The following SEMA3D variants were observed in gnomAD, a reference collection of about 807,000 sequenced individuals.
SEMA3D encodes semaphorin 3D, also known as semaphorin-3D.
A neutral mutation model predicts 100.1 loss-of-function variants in SEMA3D; 84 were observed. The ratio of observed to expected loss-of-function variants is 0.84; its 90% CI spans 0.70 to 1.01. The LOEUF (loss-of-function observed/expected upper bound fraction) is 1.01. Ranked by LOEUF, SEMA3D falls within the 50% of genes least tolerant of loss-of-function variation. The pLI is 0.00. For synonymous variants in SEMA3D, 312 were observed against 320.7 expected, an observed-to-expected ratio of 0.97 and a Z score of 0.29; for missense variants, 875 against 934.1, an observed-to-expected ratio of 0.94 and a Z score of 0.82.
the SEMA3D span, among the ~76,000 whole-genome samples, chr7:85,216,355 T>TG: frequency 5.3e-5 from 6 of 113,384 alleles, no homozygotes; most frequent in African/African-American, 1.9e-4. Context: ...CAAATAAGAG[T>TG]GTTGTGTGTG....
rs1790155280 is a variant in SEMA3D at position 85,018,143 on chromosome 7, A to G, written c.1545+109T>C. On this transcript the variant is annotated intron_variant, in intron 15 of 18. Coordinates refer to ENST00000284136, the MANE Select transcript of SEMA3D (RefSeq NM_001384900.1). The stretch of plus-strand genomic sequence containing the variant: ...ACAAGAGAAACAAATAATGTTTTAA[A>G]TTTCTTAAAATTTAACTCCCAATTT... 4.1e-6 allele frequency: 3 copies of G among 735,046 alleles called. No homozygotes were observed. In the Admixed American group the frequency reaches 6.9e-5, roughly 17 times the overall value. 45.5% of individuals were successfully genotyped at this position (735,046 alleles called of 1,614,324 possible).
chr7:85,102,670 G>A (rs192461735), intron 3 of SEMA3D, among the ~76,000 whole-genome samples: 46 of 152,160 alleles, frequency 3.0e-4, no homozygotes, highest in Admixed American at 2.7e-3. Context: ...CCAAGTGGAT[G>A]AGAATGGGGA....
At chr7:85,183,584 C>T (rs777819463) in intron 1 of SEMA3D, among the ~76,000 whole-genome samples, 5 of 152,156 alleles carry the variant, frequency 3.3e-5, no homozygotes, top group Non-Finnish European at 4.4e-5. Flanking sequence ...AGAGAGATTA[C>T]AAATTCAGTT....
chr7:85,119,511 G>A (rs1207151366), intron 3 of SEMA3D, among the ~76,000 whole-genome samples: 3 of 152,048 alleles, frequency 2.0e-5, no homozygotes, highest in African/African-American at 7.2e-5. Flanking sequence ...TACTAATGGA[G>A]GGGAAAAAAT....
chr7:85,031,424 G>A (rs961696661), intron 12 of SEMA3D, among the ~76,000 whole-genome samples: 4 of 152,022 alleles, frequency 2.6e-5, no homozygotes, highest in African/African-American at 7.2e-5. Flanking sequence ...AGTAAGATGT[G>A]TTCCTCTGAA....
At chr7:85,006,983 T>C (rs752927372) in intron 17 of SEMA3D, 42 bp from the exon 18 acceptor site, 6 of 1,544,704 alleles carry the variant, frequency 3.9e-6, no homozygotes, top group Non-Finnish European at 3.5e-6. Context: ...CTTGACCTGA[T>C]TTTAAAAGCA....
chr7:85,017,545 C>A (rs1481046172), intron 15 of SEMA3D, among the ~76,000 whole-genome samples: 2 of 151,712 alleles, frequency 1.3e-5, no homozygotes, highest in East Asian at 3.9e-4. Flanking sequence ...TCAATTTTAG[C>A]AACACCTTGA....
At chr7:85,135,263 A>C (rs750329446) in intron 2 of SEMA3D, among the ~76,000 whole-genome samples, 4 of 152,128 alleles carry the variant, frequency 2.6e-5, no homozygotes, top group Non-Finnish European at 4.4e-5. Context: ...TATTATGACA[A>C]TTATTTCTTT....
Position 84,999,351 on chromosome 7 carries a change from A to C in SEMA3D, c.*89T>G. On this transcript the variant is annotated 3_prime_UTR_variant, in exon 19 of 19. Coordinates refer to ENST00000284136, the MANE Select transcript of SEMA3D (RefSeq NM_001384900.1). ...TGTGCCTTAGCAAAACTCCATGGGA[A>C]GCATTTATGAATTACTATAAGGGAT... The C allele has an allele frequency of 1.0e-6, 1 of 1,001,730 alleles. No homozygotes were observed. The highest frequency in any genetic ancestry group is 1.5e-6 in the Non-Finnish European group (1 of 676,884). The allele number at this position is 1,001,730 out of a possible 1,614,324, so 62.1% of individuals were successfully genotyped here.
chr7:85,212,395 G>A, the SEMA3D span, among the ~76,000 whole-genome samples: 2 of 152,234 alleles, frequency 1.3e-5, no homozygotes, highest in Admixed American at 1.3e-4. Context: ...CCCATCAATG[G>A]AAAACCCTTC....
At chr7:85,201,686 G>A in the SEMA3D span, among the ~76,000 whole-genome samples, 1 of 152,076 alleles carries the variant, frequency 6.6e-6, no homozygotes, top group East Asian at 1.9e-4. Context: ...CCAGAACTGA[G>A]TAGGATTTCC....
rs118044071 is a variant in SEMA3D, at chr7:85,041,763, G to C, written c.976+408C>G. On this transcript the variant is annotated intron_variant, in intron 10 of 18. Coordinates refer to ENST00000284136, the MANE Select transcript of SEMA3D (RefSeq NM_001384900.1). ...TTATTCTTTCATTAACAAGTCGGAG[G>C]GACAGTGTTCACCAAATCTCCTGTA... is the stretch of plus-strand genomic sequence containing the variant. 6.3e-3 allele frequency: 1,025 copies of C among 163,084 alleles called. 6 individuals carry two copies. The highest frequency in any genetic ancestry group is 9.0e-3 in the Non-Finnish European group (679 of 75,660). The allele number at this position is 163,084 out of a possible 1,614,324, so 10.1% of individuals were successfully genotyped here.
intron 9 of SEMA3D, among the ~76,000 whole-genome samples, chr7:85,043,598 C>T (rs1435948117): frequency 6.6e-6 from 1 of 151,948 alleles, no homozygotes; most frequent in Non-Finnish European, 1.5e-5. Context: ...GCTCTGTGTC[C>T]CGACCCAAAT....
intron 4 of SEMA3D, among the ~76,000 whole-genome samples, chr7:85,084,977 T>C (rs1231531692): frequency 6.6e-6 from 1 of 151,942 alleles, no homozygotes; most frequent in African/African-American, 2.4e-5. Flanking sequence ...GGTCTGTTTC[T>C]TTTTTTTATG....
At chr7:85,028,227 C>G in intron 12 of SEMA3D, 1 of 686,498 alleles carries the variant, frequency 1.5e-6, no homozygotes, top group Non-Finnish European at 2.6e-6. Context: ...CAAAAGTCTA[C>G]CTTGGGAAGA....
the SEMA3D span, among the ~76,000 whole-genome samples, chr7:85,221,622 T>A: frequency 6.6e-6 from 1 of 152,112 alleles, no homozygotes; most frequent in South Asian, 2.1e-4. Flanking sequence ...TAGATTATAT[T>A]ATAGTCACTC....
chr7:85,104,213 A>C (rs1788835861), intron 3 of SEMA3D, among the ~76,000 whole-genome samples: 1 of 152,064 alleles, frequency 6.6e-6, no homozygotes, highest in African/African-American at 2.4e-5. Flanking sequence ...CATTGATTAC[A>C]AGTTTGACAC....
intron 1 of SEMA3D, among the ~76,000 whole-genome samples, chr7:85,155,589 T>A (rs1010838798): frequency 6.6e-6 from 1 of 152,192 alleles, no homozygotes; most frequent in African/African-American, 2.4e-5. Flanking sequence ...ATAGGTGGTG[T>A]TAATTAAAGA....
chr7:85,126,711 T>A (rs532098081), intron 2 of SEMA3D, among the ~76,000 whole-genome samples: 8 of 152,184 alleles, frequency 5.3e-5, no homozygotes, highest in African/African-American at 1.9e-4. Flanking sequence ...CATTACTTCC[T>A]GGCATGGCTG....
Sources: allele counts gnomAD v4.1 joint callset (sites outside exome capture counted in the v4.1 genomes callset), GRCh38; gene constraint gnomAD v4.1.1; transcripts MANE v1.5; gene names NCBI Gene and HGNC (gene_info 2026-07-23, HGNC 2026-07-21).